Variants in MCM9 observed in about 807,000 individuals in gnomAD.
MCM9 encodes the protein DNA helicase MCM9.
MCM9 carries 55 observed loss-of-function variants against 72.8 expected under a neutral mutation model. The observed-to-expected ratio is 0.76, with a 90% CI of 0.61 to 0.95. The LOEUF (loss-of-function observed/expected upper bound fraction) is 0.95. Ranked by LOEUF, MCM9 falls within the 40% of genes least tolerant of loss-of-function variation. MCM9 has a pLI of 0.00. For synonymous variants in MCM9, 480 were observed against 503.4 expected, an observed-to-expected ratio of 0.95 and a Z score of 0.62; for missense variants, 1,279 against 1,377.0, an observed-to-expected ratio of 0.93 and a Z score of 1.13.
intron 8 of MCM9, among the ~76,000 whole-genome samples, chr6:118,909,805 T>C (rs1171931293): frequency 6.6e-6 from 1 of 152,164 alleles, no homozygotes; most frequent in Non-Finnish European, 1.5e-5. Context: ...TCAAAACTTT[T>C]TACCATAATC....
intron 8 of MCM9, among the ~76,000 whole-genome samples, chr6:118,859,748 A>AAGG (rs1776789081): frequency 6.6e-6 from 1 of 152,200 alleles, no homozygotes. Flanking sequence ...AGAGAGGGAA[A>AAGG]AGGAACCATT....
intron 8 of MCM9, among the ~76,000 whole-genome samples, chr6:118,877,543 G>C (rs1209461809): frequency 1.3e-5 from 2 of 152,214 alleles, no homozygotes; most frequent in African/African-American, 4.8e-5. Context: ...ATCTGACAGT[G>C]CAAGTACTGG....
chr6:118,897,838 C>A (rs1022225046), intron 8 of MCM9, among the ~76,000 whole-genome samples: 24 of 146,920 alleles, frequency 1.6e-4, no homozygotes, highest in South Asian at 4.2e-4. Context: ...AAAAAAAAAA[C>A]AACAAAAAAA....
intron 2 of MCM9, among the ~76,000 whole-genome samples, chr6:118,932,026 A>G (rs997371456): frequency 6.6e-6 from 1 of 152,218 alleles, no homozygotes; most frequent in African/African-American, 2.4e-5. Context: ...TTTCCTTCAT[A>G]TTAACCCTGC....
intron 8 of MCM9, among the ~76,000 whole-genome samples, chr6:118,875,068 G>A (rs1176421495): frequency 3.9e-5 from 6 of 152,056 alleles, no homozygotes; most frequent in African/African-American, 7.2e-5. Flanking sequence ...AGCCAAGATC[G>A]CGCCATTGCA....
intron 13 of MCM9, among the ~76,000 whole-genome samples, chr6:118,820,836 T>C (rs377126418): frequency 1.3e-5 from 2 of 152,224 alleles, no homozygotes; most frequent in South Asian, 2.1e-4. Context: ...TTTAGGATAG[T>C]TAGCTCTTCT....
At chr6:118,894,826 C>G (rs1270884533) in intron 8 of MCM9, among the ~76,000 whole-genome samples, 2 of 152,228 alleles carry the variant, frequency 1.3e-5, no homozygotes, top group South Asian at 2.1e-4. Context: ...TCCCGCTGCG[C>G]CGCCTGAGGT....
intron 8 of MCM9, among the ~76,000 whole-genome samples, chr6:118,887,014 G>C (rs1225870965): frequency 1.3e-5 from 2 of 152,066 alleles, no homozygotes; most frequent in Non-Finnish European, 2.9e-5. Flanking sequence ...GAAATTAAAG[G>C]CGAACTCATG....
chr6:118,919,289 C>G (rs1781238972), intron 5 of MCM9: 1 of 152,178 alleles, frequency 6.6e-6, no homozygotes, highest in African/African-American at 2.4e-5. Flanking sequence ...CTGACCTCAT[C>G]AGATTTGGAT....
intron 9 of MCM9, among the ~76,000 whole-genome samples, chr6:118,851,621 C>A (rs1776230121): frequency 6.6e-6 from 1 of 151,652 alleles, no homozygotes; most frequent in African/African-American, 2.4e-5. Flanking sequence ...TTATAGTAAT[C>A]TTTAAATGAA....
intron 13 of MCM9, among the ~76,000 whole-genome samples, chr6:118,820,233 T>C (rs1298536289): frequency 6.6e-6 from 1 of 152,232 alleles, no homozygotes; most frequent in Non-Finnish European, 1.5e-5. Context: ...ATTTTAGTTC[T>C]TTCCCTCTTT....
chr6:118,927,565 A>G (rs1046883166), intron 3 of MCM9, among the ~76,000 whole-genome samples: 6 of 151,944 alleles, frequency 3.9e-5, no homozygotes, highest in African/African-American at 1.5e-4. Context: ...AGATCGTGCC[A>G]CTGTACTCCA....
chr6:118,913,484 CTT>C, intron 6 of MCM9, 64 bp from the exon 7 acceptor site: 2 of 1,598,908 alleles, frequency 1.3e-6, no homozygotes. Flanking sequence ...TGAAATTTCC[CTT>C]CCTTTCCTAT....
At chr6:118,878,681 G>A (rs1253926415) in intron 8 of MCM9, among the ~76,000 whole-genome samples, 1 of 151,772 alleles carries the variant, frequency 6.6e-6, no homozygotes, top group East Asian at 1.9e-4. Context: ...TAACCCCCAA[G>A]GCAACTATTA....
intron 8 of MCM9, among the ~76,000 whole-genome samples, chr6:118,893,383 T>C (rs760163285): frequency 2.6e-5 from 4 of 152,240 alleles, no homozygotes; most frequent in Non-Finnish European, 5.9e-5. Flanking sequence ...TCTCCTTTTA[T>C]GTTCCTGCTA....
intron 8 of MCM9, among the ~76,000 whole-genome samples, chr6:118,895,950 C>G (rs1417627574): frequency 1.3e-5 from 2 of 151,494 alleles, no homozygotes; most frequent in Non-Finnish European, 2.9e-5. Context: ...GAAAGTTGTA[C>G]AGGCATATAT....
At chr6:118,883,860 ATC>A (rs1411625771) in intron 8 of MCM9, among the ~76,000 whole-genome samples, 2 of 152,226 alleles carry the variant, frequency 1.3e-5, no homozygotes, top group Non-Finnish European at 1.5e-5. Flanking sequence ...CCAAAAGCAA[ATC>A]TCTCTGGGTG....
At chr6:118,866,643 G>GA (rs1256340799) in intron 8 of MCM9, among the ~76,000 whole-genome samples, 1 of 152,050 alleles carries the variant, frequency 6.6e-6, no homozygotes, top group African/African-American at 2.4e-5. Flanking sequence ...AGTCTGAGGA[G>GA]AAAAAAGAAA....
chr6:118,925,580 C>T (rs1781825675), intron 3 of MCM9, among the ~76,000 whole-genome samples: 1 of 152,186 alleles, frequency 6.6e-6, no homozygotes, highest in Non-Finnish European at 1.5e-5. Context: ...GAAATTCTCT[C>T]TCCATACACT....
Sources: allele counts gnomAD v4.1 joint callset (sites outside exome capture counted in the v4.1 genomes callset), GRCh38; gene constraint gnomAD v4.1.1; transcripts MANE v1.5; gene names NCBI Gene and HGNC (gene_info 2026-07-23, HGNC 2026-07-21).